Variants in NRK observed in about 807,000 individuals in gnomAD.
NRK encodes the protein nik-related protein kinase.
A neutral mutation model predicts 125.2 loss-of-function variants in NRK; 67 were observed. The observed-to-expected ratio is 0.54, with a 90% confidence interval of 0.44 to 0.66. The LOEUF (loss-of-function observed/expected upper bound fraction) is 0.66, where lower values mean the gene tolerates loss of function less well. Among genes scored for constraint, NRK ranks in the 30% least tolerant of loss-of-function variants. The pLI is 0.00. For synonymous variants in NRK, 458 were observed against 429.0 expected, an observed-to-expected ratio of 1.07 and a Z score of -0.84; for missense variants, 1,224 against 1,192.9, an observed-to-expected ratio of 1.03 and a Z score of -0.38.
At position 105,831,113 on chromosome X, in the gene NRK, C is replaced by T; in HGVS notation, c.117C>T (p.Ile39=). The T allele has an allele frequency of 1.8e-6, 2 of 1,105,414 alleles. No homozygotes were observed. The highest frequency in any genetic ancestry group is 3.6e-5 in the African/African-American group (2 of 55,562). The allele number at this position is 1,105,414 out of a possible 1,213,427, so 91.1% of individuals were successfully genotyped here. A position where few individuals can be genotyped will look rare whatever the true frequency, so the allele number is the denominator to read the frequency against. ...TTGGCCTTGGTACTTATGGCAGAAT[C>T]TATTTGGTAAGTTGACTTACATTAT... ...KTIGLGTYGR[I]YLGLHEKTGA... is the part of the protein sequence containing the mutation. Residue 39 remains isoleucine, a synonymous_variant, in exon 2 of 29, where the codon ATC becomes ATT. Transcript: ENST00000243300.
At chrX:105,859,477 A>G (rs2039574476) in intron 2 of NRK, among the ~76,000 whole-genome samples, 1 of 111,854 alleles carries the variant, frequency 8.9e-6, no homozygotes, top group Admixed American at 9.5e-5. Context: ...CTCTTATGCC[A>G]ATGACTTGCC....
At chrX:105,837,261 A>C (rs1460730869) in intron 2 of NRK, among the ~76,000 whole-genome samples, 1 of 111,690 alleles carries the variant, frequency 9.0e-6, no homozygotes, top group African/African-American at 3.2e-5. Flanking sequence ...ACGTATATTT[A>C]ACATATTATA....
chrX:105,904,279 G>C (rs1388708211), intron 9 of NRK, among the ~76,000 whole-genome samples: 2 of 111,812 alleles, frequency 1.8e-5, no homozygotes, highest in Admixed American at 1.9e-4. Context: ...AAATAAGTGA[G>C]ACATATTTAA....
chrX:105,926,572 A>T (rs769125468), intron 19 of NRK, among the ~76,000 whole-genome samples: 7 of 110,706 alleles, frequency 6.3e-5, no homozygotes, highest in African/African-American at 9.8e-5. Context: ...CTTTTTTCCC[A>T]AACCAATGTC....
Position 105,900,151 on chromosome X carries a change from TACACACAC to T in NRK, c.712-431_712-424del, listed in dbSNP as rs202022404. Among the ~76,000 whole-genome samples, 363 of 89,376 alleles carry T rather than the reference TACACACAC, an allele frequency of 4.1e-3. 2 individuals carry two copies. The highest frequency in any genetic ancestry group is 0.013 in the African/African-American group (316 of 25,137). 77.6% of individuals were successfully genotyped at this position (89,376 alleles called of 115,157 possible). A position where few individuals can be genotyped will look rare whatever the true frequency, so the allele number is the denominator to read the frequency against. The stretch of plus-strand genomic sequence containing the variant: ...TAGTATATTCCAGGAACTGCTGAAG[TACACACAC>T]ACACACACACACACACACACACACA... On this transcript the variant is annotated intron_variant, in intron 8 of 28. Coordinates refer to ENST00000243300, the MANE Select transcript of NRK (RefSeq NM_198465.4).
chrX:105,821,854 A>G (rs933799045), upstream of NRK, among the ~76,000 whole-genome samples: 1 of 111,603 alleles, frequency 9.0e-6, no homozygotes, highest in Non-Finnish European at 1.9e-5. Flanking sequence ...CCTGGCACGA[A>G]CTAGCCTGGG....
In NRK at chrX:105,909,777, T is replaced by A. The variant is rs916476219; in HGVS notation, c.2136T>A (p.Pro712=). 1.6e-5 allele frequency: 19 copies of A among 1,182,008 alleles called. No individual in the cohort carries two copies. The highest frequency in any genetic ancestry group is 2.2e-5 in the Non-Finnish European group (19 of 880,011). The change falls in exon 13 of 29, where the codon CCT becomes CCA. Residue 712 remains proline, a synonymous_variant. Transcript: ENST00000243300. The part of the protein sequence containing the change: ...KRFRAKSSWR[P]EKLELSDLEA... ...TCAGGGCAAAGTCATCATGGAGACC[T>A]GAAAAGCTTGAACTCTCGGATTTAG...
In NRK at chrX:105,849,842, C is replaced by T. The variant is rs188172203; in HGVS notation, c.123+18723C>T. Among the ~76,000 whole-genome samples the T allele has an allele frequency of 2.7e-5, 3 of 112,078 alleles. No individual in the cohort carries two copies. The Admixed American group carries it at 2.8e-4, about 11-fold the overall frequency. On this transcript the variant is annotated intron_variant, in intron 2 of 28. Coordinates refer to ENST00000243300, the MANE Select transcript of NRK (RefSeq NM_198465.4). The stretch of plus-strand genomic sequence containing the variant: ...GGCTTTGCAGGGTACATATTTATTA[C>T]CTCCTGACTGCTTTCACAGGCTGGC...
rs2041002034 is a variant in NRK at position 105,958,197 on chromosome X, A to G, written c.*2597A>G. The G allele has an allele frequency of 8.9e-6, 1 of 112,511 alleles. No homozygotes were observed. The highest frequency in any genetic ancestry group is 3.2e-5 in the African/African-American group (1 of 30,944). 9.3% of individuals were successfully genotyped at this position (112,511 alleles called of 1,213,427 possible). On this transcript the variant is annotated 3_prime_UTR_variant, in exon 29 of 29. Coordinates refer to ENST00000243300, the MANE Select transcript of NRK (RefSeq NM_198465.4). ...ATGATGGATAAAAGGGCTGATAAGAAAATTTCTGACTGTCAGTAGAAGTGA... is the reference window on the plus strand; with the variant it reads ...ATGATGGATAAAAGGGCTGATAAGAGAATTTCTGACTGTCAGTAGAAGTGA...
intron 7 of NRK, 109 bp downstream of exon 7, chrX:105,895,632 G>C: frequency 1.9e-6 from 1 of 534,265 alleles, no homozygotes; most frequent in Admixed American, 3.5e-5. Context: ...CTACTTATTT[G>C]AGCTGGGTTT....
At chrX:105,896,915 G>A (rs982626707) in intron 7 of NRK, among the ~76,000 whole-genome samples, 2 of 111,624 alleles carry the variant, frequency 1.8e-5, no homozygotes, top group Admixed American at 9.5e-5. Context: ...ATTTAAATAC[G>A]CAGGATAGAT....
At chrX:105,954,466 T>C (rs1231433129) in intron 28 of NRK, among the ~76,000 whole-genome samples, 1 of 110,887 alleles carries the variant, frequency 9.0e-6, no homozygotes, top group Non-Finnish European at 1.9e-5. Flanking sequence ...TCTTGATGAC[T>C]ACTAACCGAA....
At chrX:105,849,785 G>T (rs963360710) in intron 2 of NRK, among the ~76,000 whole-genome samples, 2 of 112,189 alleles carry the variant, frequency 1.8e-5, no homozygotes, top group Non-Finnish European at 3.8e-5. Context: ...CAAGACGTGG[G>T]TTCCCATGGT....
intron 4 of NRK, among the ~76,000 whole-genome samples, chrX:105,885,975 T>G (rs904585549): frequency 9.0e-6 from 1 of 111,212 alleles, no homozygotes; most frequent in East Asian, 2.8e-4. Flanking sequence ...TAAGTGAATT[T>G]CCTACTCTGG....
chrX:105,900,615 C>G lies in NRK; in HGVS notation c.712-3C>G. The G allele has an allele frequency of 8.5e-7, 1 of 1,176,916 alleles. No individual in the cohort carries two copies. Among genetic ancestry groups the G allele is most frequent in the Non-Finnish European group, 1.2e-6 (1 of 866,457 alleles). ...GACTTTTTTGTCATCTTTGTCTTTG[C>G]AGAGTGATGTGTGGTCTGTGGGAAT... On this transcript the variant is annotated splice_region_variant and splice_polypyrimidine_tract_variant and intron_variant, in intron 8 of 28. Coordinates refer to ENST00000243300, the MANE Select transcript of NRK (RefSeq NM_198465.4).
At chrX:105,900,193 C>CAT (rs1217387772) in intron 8 of NRK, among the ~76,000 whole-genome samples, 1 of 105,066 alleles carries the variant, frequency 9.5e-6, no homozygotes, top group Non-Finnish European at 2.0e-5. Context: ...CACACACACA[C>CAT]ATATCAGTCC....
intron 19 of NRK, among the ~76,000 whole-genome samples, chrX:105,930,564 T>C (rs777247955): frequency 7.2e-5 from 8 of 111,550 alleles, no homozygotes; most frequent in Admixed American, 5.7e-4. Context: ...TTTCTGGCAC[T>C]TCACTTTTTC....
intron 2 of NRK, 101 bp from the exon 3 acceptor site, chrX:105,880,098 A>T (rs2039866329): frequency 3.2e-6 from 1 of 316,970 alleles, no homozygotes; most frequent in Non-Finnish European, 5.6e-6. Flanking sequence ...TATAACATAC[A>T]ATGTATTCGA....
rs1459173840 is a variant in NRK at position 105,958,603 on chromosome X, G to A, written c.*3003G>A. 2 of 111,747 alleles carry A rather than the reference G, an allele frequency of 1.8e-5. No individual in the cohort carries two copies. Among genetic ancestry groups the A allele is most frequent in the African/African-American group, 6.5e-5 (2 of 30,705 alleles). 9.2% of individuals were successfully genotyped at this position (111,747 alleles called of 1,213,427 possible). ...GTTCAACCTTGAAAAATAAAATTTT[G>A]TAAAACATCGGTTGATGTCATTATT... is the stretch of plus-strand genomic sequence containing the variant. On this transcript the variant is annotated 3_prime_UTR_variant, in exon 29 of 29. Transcript: ENST00000243300.
Sources: allele counts gnomAD v4.1 joint callset (sites outside exome capture counted in the v4.1 genomes callset), GRCh38; gene constraint gnomAD v4.1.1; transcripts MANE v1.5; gene names NCBI Gene and HGNC (gene_info 2026-07-23, HGNC 2026-07-21).